Variants in SDC2 observed in about 807,000 individuals in gnomAD.
The protein encoded by SDC2 is syndecan-2.
Under a neutral mutation model 22.2 loss-of-function variants are expected in SDC2, and 13 were observed. That is an observed-to-expected ratio of 0.59 (90% CI 0.38 to 0.93). The LOEUF is 0.93. SDC2 is among the 40% of genes least tolerant of loss of function. The pLI is 0.00. For synonymous variants in SDC2, 94 were observed against 92.8 expected (o/e 1.01, Z -0.07); for missense variants, 235 against 246.8 (o/e 0.95, Z 0.32).
intron 1 of SDC2, among the ~76,000 whole-genome samples, chr8:96,525,325 C>A (rs1396103824): frequency 6.6e-6 from 1 of 151,728 alleles, no homozygotes; most frequent in Non-Finnish European, 1.5e-5. Context: ...CTCCTTTCTG[C>A]TCCTCTTTTA....
intron 1 of SDC2, among the ~76,000 whole-genome samples, chr8:96,556,828 T>C (rs1233084759): frequency 6.6e-6 from 1 of 150,856 alleles, no homozygotes; most frequent in Non-Finnish European, 1.5e-5. Flanking sequence ...ACCATCAGAG[T>C]GAACAGGCAA....
At chr8:96,504,840 G>A (rs1303616512) in intron 1 of SDC2, among the ~76,000 whole-genome samples, 1 of 152,034 alleles carries the variant, frequency 6.6e-6, no homozygotes. Flanking sequence ...TATTTCACCT[G>A]AGTGCAGGCA....
At chr8:96,544,516 G>A (rs772635805) in intron 1 of SDC2, among the ~76,000 whole-genome samples, 4 of 152,084 alleles carry the variant, frequency 2.6e-5, no homozygotes, top group African/African-American at 9.7e-5. Context: ...TCTAGCGATC[G>A]CTCTTTTCTC....
chr8:96,494,482 A>C lies in SDC2; in HGVS notation c.60+151A>C. On this transcript the variant is annotated intron_variant, in intron 1 of 4. Coordinates refer to ENST00000302190, the MANE Select transcript of SDC2 (RefSeq NM_002998.4). Reference sequence around the variant, plus strand: ...CTGGGACAAATGCGCTCGTCCGGTCACCCTTTCCCCCTCTTCCCTTCCTCA... The same window carrying C: ...CTGGGACAAATGCGCTCGTCCGGTCCCCCTTTCCCCCTCTTCCCTTCCTCA... 5 of 700,358 alleles carry C rather than the reference A, an allele frequency of 7.1e-6. No homozygotes were observed. In the South Asian group the frequency reaches 1.0e-4, roughly 15 times the overall value. The allele number at this position is 700,358 out of a possible 1,614,324, so 43.4% of individuals were successfully genotyped here.
At chr8:96,577,710 A>C (rs963417472) in intron 1 of SDC2, among the ~76,000 whole-genome samples, 17 of 152,130 alleles carry the variant, frequency 1.1e-4, no homozygotes, top group African/African-American at 3.9e-4. Context: ...TCACTGCCCT[A>C]AAAATACCCT....
rs183723332 is a variant in SDC2 at position 96,575,819 on chromosome 8, T to C, written c.61-17661T>C. On this transcript the variant is annotated intron_variant, in intron 1 of 4. Coordinates refer to ENST00000302190, the MANE Select transcript of SDC2 (RefSeq NM_002998.4). The stretch of plus-strand genomic sequence containing the variant: ...CATTAAAACCACACACATAGAAAAA[T>C]GATTTCTGTTCTGCATGTCAGATTT... 4.9e-4 allele frequency among the ~76,000 whole-genome samples: 75 copies of C among 152,204 alleles called. 1 individual carries two copies. The highest frequency in any genetic ancestry group is 1.6e-4 in the Non-Finnish European group (11 of 68,010).
chr8:96,495,184 C>T (rs1813050779), intron 1 of SDC2, among the ~76,000 whole-genome samples: 1 of 152,202 alleles, frequency 6.6e-6, no homozygotes, highest in African/African-American at 2.4e-5. Context: ...CGCTGGGGGA[C>T]AGAGGCTTCC....
At chr8:96,512,141 T>C (rs551982219) in intron 1 of SDC2, among the ~76,000 whole-genome samples, 20 of 152,214 alleles carry the variant, frequency 1.3e-4, no homozygotes, top group Admixed American at 5.2e-4. Flanking sequence ...CTTACACTTA[T>C]ATCCCACTAT....
In SDC2 at chr8:96,528,059, G is replaced by A. The variant is rs529192362; in HGVS notation, c.60+33728G>A. 1.2e-3 allele frequency among the ~76,000 whole-genome samples: 116 copies of A among 98,552 alleles called. 2 individuals carry two copies. The highest frequency in any genetic ancestry group is 3.4e-3 in the Admixed American group (38 of 11,098). The allele number at this position is 98,552 out of a possible 152,430, so 64.7% of individuals were successfully genotyped here. On this transcript the variant is annotated intron_variant, in intron 1 of 4. Transcript: ENST00000302190. ...AGCACTTTTCAAAACTTTTTTTAGC[G>A]TATGGAATAACTTAATTATAAGTCG...
intron 2 of SDC2, among the ~76,000 whole-genome samples, chr8:96,598,940 CTTTTTTTTTT>C: frequency 7.8e-6 from 1 of 127,466 alleles, no homozygotes; most frequent in Non-Finnish European, 1.6e-5. Flanking sequence ...CTGTCTCTAT[CTTTTTTTTTT>C]TTTTTTTTTG....
chr8:96,587,500 T>C (rs776845172), intron 1 of SDC2, among the ~76,000 whole-genome samples: 4 of 152,212 alleles, frequency 2.6e-5, no homozygotes, highest in African/African-American at 4.8e-5. Context: ...CAAAGGGCTC[T>C]TTCCTTCTGT....
intron 1 of SDC2, among the ~76,000 whole-genome samples, chr8:96,577,975 C>T (rs1253569087): frequency 1.3e-5 from 2 of 152,166 alleles, no homozygotes; most frequent in East Asian, 3.8e-4. Flanking sequence ...GTTTGTCTAT[C>T]CATGCATGAA....
chr8:96,514,159 A>T (rs1371105702), intron 1 of SDC2, among the ~76,000 whole-genome samples: 1 of 152,214 alleles, frequency 6.6e-6, no homozygotes, highest in African/African-American at 2.4e-5. Flanking sequence ...CTGTGTATGT[A>T]ACCATTGAAA....
rs564884729 is a variant in SDC2, at chr8:96,509,183, A to G, written c.60+14852A>G. The stretch of plus-strand genomic sequence containing the variant: ...TCTATGCTTCCATTTTCACATCTGT[A>G]TAAAGGAGATTAGTCATAGTAGCCA... On this transcript the variant is annotated intron_variant, in intron 1 of 4. Coordinates refer to ENST00000302190, the MANE Select transcript of SDC2 (RefSeq NM_002998.4). 4.6e-4 allele frequency among the ~76,000 whole-genome samples: 65 copies of G among 141,904 alleles called. 7 individuals are homozygous for G. The highest frequency in any genetic ancestry group is 1.4e-3 in the African/African-American group (57 of 39,790). 93.1% of individuals were successfully genotyped at this position (141,904 alleles called of 152,430 possible).
intron 1 of SDC2, among the ~76,000 whole-genome samples, chr8:96,526,501 C>G (rs1171426132): frequency 6.6e-6 from 1 of 152,142 alleles, no homozygotes; most frequent in Admixed American, 6.6e-5. Flanking sequence ...GATCAAATGT[C>G]TGCCTATTTT....
At chr8:96,494,408 G>A (rs1490727094) in intron 1 of SDC2, 77 bp downstream of exon 1, 1 of 1,411,356 alleles carries the variant, frequency 7.1e-7, no homozygotes, top group Non-Finnish European at 9.5e-7. Context: ...GGGAATAGGG[G>A]AGCGCCACCT....
chr8:96,494,750 C>G (rs1200433790), intron 1 of SDC2, among the ~76,000 whole-genome samples: 2 of 152,198 alleles, frequency 1.3e-5, no homozygotes, highest in African/African-American at 4.8e-5. Flanking sequence ...GACCTGGAAA[C>G]TTCGGGGTCC....
At chr8:96,592,718 C>T (rs1268338564) in intron 1 of SDC2, among the ~76,000 whole-genome samples, 4 of 152,156 alleles carry the variant, frequency 2.6e-5, no homozygotes, top group African/African-American at 7.2e-5. Context: ...CCATATTAAG[C>T]GTGTGATTTG....
chr8:96,542,101 A>G (rs1231824256), intron 1 of SDC2, among the ~76,000 whole-genome samples: 1 of 152,110 alleles, frequency 6.6e-6, no homozygotes, highest in East Asian at 1.9e-4. Context: ...CTCTCTTTGT[A>G]ATTTTCACTT....
Sources: gnomAD v4.1 joint callset for allele counts (sites outside exome capture counted in the v4.1 genomes callset) on GRCh38, gnomAD v4.1.1 for gene constraint, MANE v1.5 for transcripts, NCBI Gene and HGNC (gene_info 2026-07-23, HGNC 2026-07-21) for gene names.